Variants in RABEP1 observed in about 807,000 individuals in gnomAD.
The protein encoded by RABEP1 is rabaptin, RAB GTPase binding effector protein 1.
In RABEP1, 51 loss-of-function variants were observed where a neutral mutation model predicts 123.4. The ratio of observed to expected loss-of-function variants is 0.41; its 90% CI spans 0.33 to 0.52. The LOEUF is 0.52. Among genes scored for constraint, RABEP1 ranks in the 20% least tolerant of loss-of-function variants. The probability of loss-of-function intolerance (pLI) is 0.16; values close to 1 mark genes in which losing one functional copy is unlikely to be tolerated. For synonymous variants in RABEP1, 347 were observed against 355.2 expected (o/e 0.98, Z 0.26); for missense variants, 888 against 996.3 (o/e 0.89, Z 1.46).
At chr17:5,295,791 A>C (rs2075078008) in intron 1 of RABEP1, among the ~76,000 whole-genome samples, 1 of 152,298 alleles carries the variant, frequency 6.6e-6, no homozygotes, top group East Asian at 1.9e-4. Context: ...CAAGGATGTC[A>C]AAGATCTGAG....
At chr17:5,381,257 T>C in intron 16 of RABEP1, 132 bp from the exon 17 acceptor site, 1 of 1,263,210 alleles carries the variant, frequency 7.9e-7, no homozygotes, top group Non-Finnish European at 1.1e-6. Flanking sequence ...ATAAAGAGAT[T>C]GGTCGTGTAT....
At position 5,360,745 on chromosome 17, in the gene RABEP1, C is replaced by G. The variant is rs557000319; in HGVS notation, c.1096-463C>G. On this transcript the variant is annotated intron_variant, in intron 8 of 17. Transcript: ENST00000537505. ...ATTATCATTATACGATAGTTACTCT[C>G]AAGTCTCTATCGAAAGACTTCTGTG... Among the ~76,000 whole-genome samples the G allele has an allele frequency of 3.7e-4, 57 of 152,274 alleles. No individual in the cohort carries two copies. In the South Asian group the frequency reaches 0.01, roughly 27 times the overall value.
chr17:5,347,983 A>C (rs1249056917), intron 6 of RABEP1, among the ~76,000 whole-genome samples: 1 of 152,072 alleles, frequency 6.6e-6, no homozygotes, highest in East Asian at 1.9e-4. Context: ...TAAAAAATAG[A>C]GTCTTTTTTT....
At position 5,386,197 on chromosome 17, in the gene RABEP1, C is replaced by T; in HGVS notation, c.*2974C>T. On this transcript the variant is annotated 3_prime_UTR_variant, in exon 18 of 18. Coordinates refer to ENST00000537505, the MANE Select transcript of RABEP1 (RefSeq NM_004703.6). ...GTTCAGTTCAGGTGTGAGTCAGCTC[C>T]TGGTGGTGTCAGAAGTTTACATGAT... 6.2e-7 allele frequency: 1 copy of T among 1,610,720 alleles called. No homozygotes were observed. The highest frequency in any genetic ancestry group is 8.5e-7 in the Non-Finnish European group (1 of 1,177,696).
intron 2 of RABEP1, among the ~76,000 whole-genome samples, chr17:5,331,146 G>A (rs78949679): frequency 0.015 from 2,252 of 145,842 alleles, 21 homozygotes; most frequent in South Asian, 0.03. Context: ...AGATCAGAAG[G>A]AAAATCATTC....
At chr17:5,376,242 G>C (rs1910982525) in intron 13 of RABEP1, among the ~76,000 whole-genome samples, 1 of 152,150 alleles carries the variant, frequency 6.6e-6, no homozygotes, top group African/African-American at 2.4e-5. Context: ...TTTTGCTTGA[G>C]CCCAGGAGTT....
chr17:5,319,067 C>T (rs1243404234), intron 2 of RABEP1, among the ~76,000 whole-genome samples: 1 of 152,056 alleles, frequency 6.6e-6, no homozygotes, highest in Non-Finnish European at 1.5e-5. Flanking sequence ...CGTGGTGGCT[C>T]ATGCCTGTAA....
At chr17:5,319,818 G>A (rs1287444919) in intron 2 of RABEP1, among the ~76,000 whole-genome samples, 1 of 152,110 alleles carries the variant, frequency 6.6e-6, no homozygotes, top group African/African-American at 2.4e-5. Context: ...TTGAAGACAG[G>A]CTGTTTGAAA....
chr17:5,368,893 G>C (rs951190696), intron 12 of RABEP1, among the ~76,000 whole-genome samples: 1 of 152,090 alleles, frequency 6.6e-6, no homozygotes, highest in Non-Finnish European at 1.5e-5. Flanking sequence ...TGGATCACGA[G>C]GTCAGGAGAT....
intron 8 of RABEP1, among the ~76,000 whole-genome samples, chr17:5,360,288 T>C (rs1180894868): frequency 1.3e-5 from 2 of 152,170 alleles, no homozygotes; most frequent in Admixed American, 6.5e-5. Flanking sequence ...TTGGGCCGGG[T>C]GCGGTGGCTC....
chr17:5,282,443 C>T lies in RABEP1; in HGVS notation c.-44C>T, dbSNP rs751432659. The T allele has an allele frequency of 3.1e-5, 41 of 1,329,672 alleles. No individual in the cohort carries two copies. The East Asian group carries it at 8.7e-4, about 28-fold the overall frequency. The allele number at this position is 1,329,672 out of a possible 1,614,324, so 82.4% of individuals were successfully genotyped here. A position where few individuals can be genotyped will look rare whatever the true frequency, so the allele number is the denominator to read the frequency against. The stretch of plus-strand genomic sequence containing the variant: ...CTGAGCCCGCGGGAGCCCAGGACGC[C>T]GCTTCCCCGCCCATCCCCGCTCCCC... On this transcript the variant is annotated 5_prime_UTR_variant, in exon 1 of 18. Transcript: ENST00000537505.
chr17:5,323,741 AAT>A (rs201875067), intron 2 of RABEP1, among the ~76,000 whole-genome samples: 2 of 61,000 alleles, frequency 3.3e-5, no homozygotes, highest in Non-Finnish European at 2.9e-5. Flanking sequence ...TATATCTAGG[AAT>A]ATATATATAT....
At chr17:5,343,444 C>T (rs1009961537) in intron 5 of RABEP1, among the ~76,000 whole-genome samples, 5 of 151,958 alleles carry the variant, frequency 3.3e-5, no homozygotes, top group African/African-American at 1.2e-4. Flanking sequence ...GTCCCAGCTA[C>T]TCGGGACGAG....
rs933397380 is a variant in RABEP1, at chr17:5,386,225, C to T, written c.*3002C>T. ...GTGGTGTCAGAAGTTTACATGATTG[C>T]GGATATCATTGATTTGCTTCACCAT... On this transcript the variant is annotated 3_prime_UTR_variant, in exon 18 of 18. Coordinates refer to ENST00000537505, the MANE Select transcript of RABEP1 (RefSeq NM_004703.6). 1.2e-5 allele frequency: 19 copies of T among 1,612,958 alleles called. No homozygotes were observed. Among genetic ancestry groups the T allele is most frequent in the Admixed American group, 3.3e-5 (2 of 59,776 alleles).
At chr17:5,360,972 TG>T in intron 8 of RABEP1, 1 of 502,228 alleles carries the variant, frequency 2.0e-6, no homozygotes, top group African/African-American at 1.9e-5. Flanking sequence ...TTTTTTTTTT[TG>T]AAGCCGTATG....
At chr17:5,378,967 AC>A (rs1255058454) in intron 15 of RABEP1, among the ~76,000 whole-genome samples, 1 of 151,970 alleles carries the variant, frequency 6.6e-6, no homozygotes, top group African/African-American at 2.4e-5. Context: ...CCCTCACCTG[AC>A]CACTGCCCAA....
intron 14 of RABEP1, among the ~76,000 whole-genome samples, chr17:5,377,708 A>G (rs1186134250): frequency 1.3e-5 from 2 of 151,886 alleles, no homozygotes; most frequent in Non-Finnish European, 2.9e-5. Context: ...TTGTATTTTT[A>G]GTAGAGACGG....
At chr17:5,361,957 T>G (rs551268215) in intron 9 of RABEP1, 1 of 338,288 alleles carries the variant, frequency 3.0e-6, no homozygotes, top group Admixed American at 4.5e-5. Context: ...TGACTAGCAT[T>G]GCGGAATTTA....
chr17:5,352,575 A>G (rs962265626), intron 7 of RABEP1, among the ~76,000 whole-genome samples: 1 of 151,184 alleles, frequency 6.6e-6, no homozygotes, highest in Non-Finnish European at 1.5e-5. Context: ...TCACACCTGT[A>G]ATCCCAGCAC....
Sources: allele counts gnomAD v4.1 joint callset (sites outside exome capture counted in the v4.1 genomes callset), GRCh38; gene constraint gnomAD v4.1.1; transcripts MANE v1.5; gene names NCBI Gene and HGNC (gene_info 2026-07-23, HGNC 2026-07-21).